NAB1: variants seen among roughly 807,000 people sequenced by gnomAD.
NAB1 encodes the protein NGFI-A-binding protein 1.
NAB1 carries 25 observed loss-of-function variants against 49.9 expected under a neutral mutation model. The ratio of observed to expected loss-of-function variants is 0.50; its 90% CI spans 0.37 to 0.70. NAB1 has a LOEUF of 0.70. Among genes scored for constraint, NAB1 ranks in the 30% least tolerant of loss-of-function variants. The pLI, the probability that NAB1 is intolerant of heterozygous loss-of-function variation, is 0.00. For synonymous variants in NAB1, 198 were observed against 215.6 expected (o/e 0.92, Z 0.71); for missense variants, 489 against 575.9 (o/e 0.85, Z 1.54).
intron 7 of NAB1, 111 bp downstream of exon 7, chr2:190,683,938 CGTTT>C: frequency 1.2e-6 from 1 of 836,872 alleles, no homozygotes. Flanking sequence ...TTTTTATTTC[CGTTT>C]GTTTTTTAAA....
chr2:190,663,382 G>T lies in NAB1; in HGVS notation c.819+3387G>T, dbSNP rs1485695521. Among the ~76,000 whole-genome samples the T allele has an allele frequency of 6.6e-6, 1 of 152,080 alleles. No homozygotes were observed. On this transcript the variant is annotated intron_variant, in intron 4 of 9. Transcript: ENST00000337386. The surrounding 1 kb of genome is among the most constrained non-coding windows in gnomAD (Gnocchi z 4.2). ...CAATTTTATTCTTTTTTAGAGATCT[G>T]CAAACTAGGGTCTGTGTGCCCAGTC...
intron 2 of NAB1, among the ~76,000 whole-genome samples, chr2:190,653,176 CT>C (rs1693754084): frequency 6.6e-6 from 1 of 152,316 alleles, no homozygotes; most frequent in Admixed American, 6.5e-5. Flanking sequence ...TCTCAGGCCC[CT>C]GTACCTTCAA....
intron 5 of NAB1, 114 bp from the exon 6 acceptor site, chr2:190,672,985 GGT>G: frequency 1.3e-6 from 1 of 797,264 alleles, no homozygotes; most frequent in South Asian, 1.6e-5. Flanking sequence ...TGTCATTTCT[GGT>G]GTTGGAGTTT....
In NAB1 at chr2:190,670,735, T is replaced by C. The variant is rs1694761603; in HGVS notation, c.953+276T>C. On this transcript the variant is annotated intron_variant, in intron 5 of 9. Transcript: ENST00000337386. This position sits in a 1 kb window ranked among gnomAD's most constrained non-coding sequence, Gnocchi z 5.3. ...TCTTCTCTCATACACACACTTTGGTTTTGAGTGTGACGAGGGGATTTAGTC... is the reference window on the plus strand; with the variant it reads ...TCTTCTCTCATACACACACTTTGGTCTTGAGTGTGACGAGGGGATTTAGTC... 3.3e-5 allele frequency among the ~76,000 whole-genome samples: 5 copies of C among 152,160 alleles called. No homozygotes were observed. Among genetic ancestry groups the C allele is most frequent in the Admixed American group, 3.3e-4 (5 of 15,274 alleles).
Position 190,689,614 on chromosome 2 carries a change from A to G in NAB1, c.1376-631A>G, listed in dbSNP as rs1466787292. On this transcript the variant is annotated intron_variant, in intron 9 of 9. Transcript: ENST00000337386. This position sits in a 1 kb window ranked among gnomAD's most constrained non-coding sequence, Gnocchi z 4.3. ...GATTGTTATTCTGTAGTGTTTGTGT[A>G]TGGTTGAAATAACTGTACACATAGA... 6.6e-6 allele frequency among the ~76,000 whole-genome samples: 1 copy of G among 152,158 alleles called. No homozygotes were observed. Among genetic ancestry groups the G allele is most frequent in the Non-Finnish European group, 1.5e-5 (1 of 68,014 alleles).
At chr2:190,662,211 G>T (rs565181762) in intron 4 of NAB1, among the ~76,000 whole-genome samples, 31 of 152,000 alleles carry the variant, frequency 2.0e-4, no homozygotes, top group African/African-American at 7.0e-4. Flanking sequence ...GTAGGTCACT[G>T]GTGGATGAAA....
intron 4 of NAB1, among the ~76,000 whole-genome samples, chr2:190,665,916 T>G (rs1051821320): frequency 1.3e-5 from 2 of 152,156 alleles, no homozygotes; most frequent in African/African-American, 2.4e-5. Flanking sequence ...TCTTAGACTC[T>G]TCAATTCTGA....
Position 190,659,280 on chromosome 2 carries a change from G to T in NAB1, c.104G>T (p.Gly35Val). Reference protein sequence around the residue: ...SYFDAFIQQGGDDVQQLCEAG... With the variant: ...SYFDAFIQQGVDDVQQLCEAG... ...TTTGATGCCTTTATCCAACAAGGTG[G>T]TGATGATGTCCAGCAACTCTGTGAA... Residue 35 changes from glycine (G) to valine (V), a missense_variant, in exon 4 of 10, where the codon GGT (glycine) becomes GTT (valine). Physicochemically the swap from Gly to Val is moderately radical, Grantham distance 109. Around this residue, in one of 4 missense-constraint regions of NAB1, gnomAD observed 35 missense variants for 85.6 expected, o/e 0.41. Coordinates refer to ENST00000337386, the MANE Select transcript of NAB1 (RefSeq NM_005966.4). This position sits in a 1 kb window ranked among gnomAD's most constrained non-coding sequence, Gnocchi z 6.2. 6.2e-7 allele frequency: 1 copy of T among 1,614,128 alleles called. No individual in the cohort carries two copies. Among genetic ancestry groups the T allele is most frequent in the Non-Finnish European group, 8.5e-7 (1 of 1,180,012 alleles).
At position 190,685,601 on chromosome 2, in the gene NAB1, T is replaced by C; in HGVS notation, c.1221T>C (p.Ser407=). 1 of 1,611,688 alleles carries C rather than the reference T, an allele frequency of 6.2e-7. No individual in the cohort carries two copies. The highest frequency in any genetic ancestry group is 1.1e-5 in the South Asian group (1 of 90,570). Reference sequence around the variant, plus strand: ...ACAGGCAGAGCTCAGAAGAGCACAGTCCTAACGGCTTGACTTCCGATAACT... The same window carrying C: ...ACAGGCAGAGCTCAGAAGAGCACAGCCCTAACGGCTTGACTTCCGATAACT... ...GLYRQSSEEH[S]PNGLTSDNSD... The change falls in exon 8 of 10, where the codon AGT becomes AGC. Residue 407 remains serine, a synonymous_variant. Coordinates refer to ENST00000337386, the MANE Select transcript of NAB1 (RefSeq NM_005966.4). The surrounding 1 kb of genome is among the most constrained non-coding windows in gnomAD (Gnocchi z 4.5).
At chr2:190,661,127 T>C (rs1247286898) in intron 4 of NAB1, among the ~76,000 whole-genome samples, 1 of 152,086 alleles carries the variant, frequency 6.6e-6, no homozygotes, top group Non-Finnish European at 1.5e-5. Context: ...TGGGAGTTTC[T>C]CCATTGTTGC....
rs1031300432 is a variant in NAB1, at chr2:190,676,624, G to A, written c.1005+3472G>A. 1.3e-5 allele frequency among the ~76,000 whole-genome samples: 2 copies of A among 152,144 alleles called. No homozygotes were observed. Among genetic ancestry groups the A allele is most frequent in the African/African-American group, 4.8e-5 (2 of 41,394 alleles). ...AGTCCCAGCTAATCAGGAGGCTGAG[G>A]TGGGAGAATCACTGCCCCACTGCAC... On this transcript the variant is annotated intron_variant, in intron 6 of 9. Transcript: ENST00000337386. This position sits in a 1 kb window ranked among gnomAD's most constrained non-coding sequence, Gnocchi z 4.6.
rs1327220233 is a variant in NAB1, at chr2:190,650,433, T to A, written c.-197+451T>A. On this transcript the variant is annotated intron_variant, in intron 2 of 9. Coordinates refer to ENST00000337386, the MANE Select transcript of NAB1 (RefSeq NM_005966.4). ...GCAGTTTTAATAGATAATATGAGAT[T>A]GCATAGGAACAGAGGAGCCGAATTT... Among the ~76,000 whole-genome samples the A allele has an allele frequency of 2.0e-5, 3 of 152,206 alleles. No homozygotes were observed. In the East Asian group the frequency reaches 5.8e-4, roughly 29 times the overall value.
At position 190,667,904 on chromosome 2, in the gene NAB1, TA is replaced by T. The variant is rs894644618; in HGVS notation, c.820-2413del. Among the ~76,000 whole-genome samples the T allele has an allele frequency of 2.6e-5, 4 of 151,348 alleles. No individual in the cohort carries two copies. Among genetic ancestry groups the T allele is most frequent in the Admixed American group, 6.6e-5 (1 of 15,192 alleles). On this transcript the variant is annotated intron_variant, in intron 4 of 9. Coordinates refer to ENST00000337386, the MANE Select transcript of NAB1 (RefSeq NM_005966.4). The surrounding 1 kb of genome is among the most constrained non-coding windows in gnomAD (Gnocchi z 4.4). ...GAAACTGTATGGCTAATGACAAACT[TA>T]AAAAAAAATCCCATTACATATGATG...
chr2:190,673,248 C>A, intron 6 of NAB1, 96 bp downstream of exon 6: 1 of 1,122,034 alleles, frequency 8.9e-7, no homozygotes, highest in Non-Finnish European at 1.3e-6. Context: ...AAAGATGGTC[C>A]CATAAACTAG....
chr2:190,664,998 C>A (rs950874805), intron 4 of NAB1, among the ~76,000 whole-genome samples: 1 of 152,032 alleles, frequency 6.6e-6, no homozygotes, highest in African/African-American at 2.4e-5. Flanking sequence ...TTCCTTCTAT[C>A]GAAAGCTCTT....
chr2:190,662,111 T>C (rs1694256667), intron 4 of NAB1, among the ~76,000 whole-genome samples: 1 of 152,232 alleles, frequency 6.6e-6, no homozygotes, highest in African/African-American at 2.4e-5. Flanking sequence ...TCTTAATTCA[T>C]TGTTGGCTTA....
At position 190,657,251 on chromosome 2, in the gene NAB1, C is replaced by T. The variant is rs1693971165; in HGVS notation, c.-20+1098C>T. On this transcript the variant is annotated intron_variant, in intron 3 of 9. Transcript: ENST00000337386. This position sits in a 1 kb window ranked among gnomAD's most constrained non-coding sequence, Gnocchi z 4.4. ...TGCCCAGGTGGATGATAGATTCTCC[C>T]TGGAGTGGGAGGACAGGCAGAGCCT... is the stretch of plus-strand genomic sequence containing the variant. Among the ~76,000 whole-genome samples, 1 of 152,124 alleles carries T rather than the reference C, an allele frequency of 6.6e-6. No homozygotes were observed. Among genetic ancestry groups the T allele is most frequent in the African/African-American group, 2.4e-5 (1 of 41,410 alleles).
intron 5 of NAB1, among the ~76,000 whole-genome samples, chr2:190,671,841 T>A (rs1432819426): frequency 7.0e-6 from 1 of 142,982 alleles, no homozygotes; most frequent in Admixed American, 7.6e-5. Flanking sequence ...AATAGCTCGA[T>A]CTTGGTTCAC....
Position 190,670,238 on chromosome 2 carries a change from G to T in NAB1, c.820-88G>T. On this transcript the variant is annotated intron_variant, in intron 4 of 9. Coordinates refer to ENST00000337386, the MANE Select transcript of NAB1 (RefSeq NM_005966.4). This position sits in a 1 kb window ranked among gnomAD's most constrained non-coding sequence, Gnocchi z 5.3. Reference sequence around the variant, plus strand: ...AATAATGATTCCATTATATAATGGTGTAACATTCTTATATTTTAAGTGAAA... The same window carrying T: ...AATAATGATTCCATTATATAATGGTTTAACATTCTTATATTTTAAGTGAAA... The T allele has an allele frequency of 8.2e-7, 1 of 1,224,804 alleles. No homozygotes were observed. The highest frequency in any genetic ancestry group is 1.1e-6 in the Non-Finnish European group (1 of 872,888). 75.9% of individuals were successfully genotyped at this position (1,224,804 alleles called of 1,614,324 possible).
Sources: gnomAD v4.1 joint callset for allele counts (sites outside exome capture counted in the v4.1 genomes callset) on GRCh38, gnomAD v4.1.1 for gene constraint, gnomAD v4.1.1 regional missense constraint, Gnocchi (gnomAD v3.1) non-coding constraint, MANE v1.5 for transcripts, NCBI Gene and HGNC (gene_info 2026-07-23, HGNC 2026-07-21) for gene names.